IMPA2: variants seen among roughly 807,000 people sequenced by gnomAD.
The protein encoded by IMPA2 is IMP 2.
A neutral mutation model predicts 35.1 loss-of-function variants in IMPA2; 32 were observed. That is an observed-to-expected ratio of 0.91 (90% CI 0.69 to 1.23). The LOEUF (loss-of-function observed/expected upper bound fraction) is 1.23. Among genes scored for constraint, IMPA2 ranks in the 50% most tolerant of loss-of-function variants. The probability of loss-of-function intolerance (pLI) is 0.00; values close to 1 mark genes in which losing one functional copy is unlikely to be tolerated. For missense variants in IMPA2, 334 were observed against 387.6 expected, an observed-to-expected ratio of 0.86 and a Z score of 1.16; for synonymous variants, 135 against 160.6, an observed-to-expected ratio of 0.84 and a Z score of 1.20.
chr18:12,028,940 C>T lies in IMPA2; in HGVS notation c.698C>T (p.Ala233Val), dbSNP rs768045317. 7 of 1,613,914 alleles carry T rather than the reference C, an allele frequency of 4.3e-6. No individual in the cohort carries two copies. The highest frequency in any genetic ancestry group is 1.1e-5 in the South Asian group (1 of 91,066). Residue 233 changes from alanine (A) to valine (V), a missense_variant, in exon 7 of 8, where the codon GCG (alanine) becomes GTG (valine). Transcript: ENST00000269159. ...YQFGLHCWDLAAATVIIREAG... is the reference protein window; with the variant it reads ...YQFGLHCWDLVAATVIIREAG... ...TTTGGCCTGCACTGCTGGGATCTGG[C>T]GGCTGCCACAGTCATCATCAGAGAA...
At chr18:11,995,898 G>A (rs1484795212) in intron 1 of IMPA2, among the ~76,000 whole-genome samples, 1 of 152,238 alleles carries the variant, frequency 6.6e-6, no homozygotes, top group Non-Finnish European at 1.5e-5. Context: ...TGTACCTGCT[G>A]TATGTGTATC....
chr18:12,008,238 T>C (rs973352091), intron 2 of IMPA2: 26 of 467,020 alleles, frequency 5.6e-5, no homozygotes, highest in Non-Finnish European at 9.5e-5. Flanking sequence ...TCAGGTGATC[T>C]GCCCGCCTTG....
intron 1 of IMPA2, among the ~76,000 whole-genome samples, chr18:11,989,751 A>G (rs1906761317): frequency 6.6e-6 from 1 of 152,040 alleles, no homozygotes; most frequent in Non-Finnish European, 1.5e-5. Context: ...TAGATGGCTC[A>G]TCCCCACGGG....
chr18:11,991,397 T>G lies in IMPA2; in HGVS notation c.97-7657T>G, dbSNP rs1317303588. 6.6e-6 allele frequency among the ~76,000 whole-genome samples: 1 copy of G among 152,154 alleles called. No homozygotes were observed. The highest frequency in any genetic ancestry group is 1.5e-5 in the Non-Finnish European group (1 of 68,024). On this transcript the variant is annotated intron_variant, in intron 1 of 7. Coordinates refer to ENST00000269159, the MANE Select transcript of IMPA2 (RefSeq NM_014214.3). This position sits in a 1 kb window ranked among gnomAD's most constrained non-coding sequence, Gnocchi z 4.1. ...GTCTGCTTGGACCAGCTCCTCCTCT[T>G]CCTCCCAGGGTTGAGGTTGTACAGA...
At chr18:12,030,252 T>C in intron 7 of IMPA2, 91 bp from the exon 8 acceptor site, 2 of 908,298 alleles carry the variant, frequency 2.2e-6, no homozygotes, top group East Asian at 2.6e-5. Flanking sequence ...TGCCATTTCC[T>C]GTGCTGTGTG....
intron 3 of IMPA2, 28 bp from the exon 4 acceptor site, chr18:12,012,142 G>A (rs749234047): frequency 1.7e-5 from 28 of 1,612,940 alleles, no homozygotes; most frequent in Non-Finnish European, 2.4e-5. Context: ...TTGTTCCAGA[G>A]AGTAAACCTT....
chr18:12,016,124 A>G (rs1455240160), intron 5 of IMPA2, among the ~76,000 whole-genome samples: 1 of 152,252 alleles, frequency 6.6e-6, no homozygotes, highest in African/African-American at 2.4e-5. Context: ...GATAAAATGC[A>G]TAGCAGATAG....
intron 5 of IMPA2, among the ~76,000 whole-genome samples, chr18:12,023,727 G>A (rs1598705322): frequency 1.3e-5 from 2 of 152,140 alleles, no homozygotes; most frequent in Non-Finnish European, 2.9e-5. Context: ...TCTTCCCAGG[G>A]TCATTAACAC....
At chr18:12,014,177 G>T (rs188275489) in intron 4 of IMPA2, 88 bp from the exon 5 acceptor site, 3 of 893,654 alleles carry the variant, frequency 3.4e-6, no homozygotes, top group African/African-American at 3.3e-5. Flanking sequence ...AACGCCTAGC[G>T]CAGCCTTCAT....
chr18:12,007,628 C>CTTCCTTCTTTCT (rs1907296725), intron 2 of IMPA2, among the ~76,000 whole-genome samples: 6 of 116,674 alleles, frequency 5.1e-5, no homozygotes, highest in Admixed American at 3.8e-4. Context: ...CTTTTTCTTT[C>CTTCCTTCTTTCT]TTCTTTCTTT....
chr18:12,014,261 A>G lies in IMPA2; in HGVS notation c.382-4A>G, dbSNP rs1907513412. 1 of 1,610,860 alleles carries G rather than the reference A, an allele frequency of 6.2e-7. No homozygotes were observed. The highest frequency in any genetic ancestry group is 1.1e-5 in the South Asian group (1 of 90,982). On this transcript the variant is annotated splice_region_variant and splice_polypyrimidine_tract_variant and intron_variant, in intron 4 of 7. Transcript: ENST00000269159. ...GTTTTCTGTCCTGCCTCTGCCGCCCACAGCTTGAATTCGGAGTGATTTACC... is the reference window on the plus strand; with the variant it reads ...GTTTTCTGTCCTGCCTCTGCCGCCCGCAGCTTGAATTCGGAGTGATTTACC...
rs920424887 is a variant in IMPA2, at chr18:12,030,518, G to GGTGGCCCTC, written c.*68_*76dup. 7.1e-7 allele frequency: 1 copy of GGTGGCCCTC among 1,415,426 alleles called. No homozygotes were observed. Among genetic ancestry groups the GGTGGCCCTC allele is most frequent in the Non-Finnish European group, 1.0e-6 (1 of 1,002,410 alleles). The allele number at this position is 1,415,426 out of a possible 1,614,324, so 87.7% of individuals were successfully genotyped here. A position where few individuals can be genotyped will look rare whatever the true frequency, so the allele number is the denominator to read the frequency against. ...CTGGGCTGCTGTGGGCTCCTGGGGA[G>GGTGGCCCTC]GTGGCCCTCGTGGCCCACGCTCCAT... On this transcript the variant is annotated 3_prime_UTR_variant, in exon 8 of 8. Transcript: ENST00000269159.
chr18:12,007,579 TTTC>T (rs1907287223), intron 2 of IMPA2, among the ~76,000 whole-genome samples: 1 of 112,470 alleles, frequency 8.9e-6, no homozygotes, highest in Non-Finnish European at 1.8e-5. Context: ...CCTTCTTTTC[TTTC>T]TTTTCTTTTC....
chr18:11,994,329 T>C (rs1372465677), intron 1 of IMPA2: 2 of 152,188 alleles, frequency 1.3e-5, no homozygotes, highest in African/African-American at 4.8e-5. Context: ...TGAGCCAAGA[T>C]TGCGCTACTG....
intron 5 of IMPA2, among the ~76,000 whole-genome samples, chr18:12,014,767 G>GCC (rs1907532569): frequency 6.6e-6 from 1 of 152,146 alleles, no homozygotes; most frequent in Non-Finnish European, 1.5e-5. Flanking sequence ...GCAGTCTGTG[G>GCC]CCCCTGAGTG....
At chr18:12,013,134 G>C (rs146134291) in intron 4 of IMPA2, among the ~76,000 whole-genome samples, 24 of 152,328 alleles carry the variant, frequency 1.6e-4, no homozygotes, top group African/African-American at 4.8e-4. Context: ...TGGAACAGCT[G>C]GCTAGGTCCT....
Position 12,010,203 on chromosome 18 carries a change from T to G in IMPA2, c.335+216T>G. The G allele has an allele frequency of 2.1e-6, 1 of 479,830 alleles. No individual in the cohort carries two copies. The highest frequency in any genetic ancestry group is 3.7e-6 in the Non-Finnish European group (1 of 271,472). The allele number at this position is 479,830 out of a possible 1,614,324, so 29.7% of individuals were successfully genotyped here. On this transcript the variant is annotated intron_variant, in intron 3 of 7. Coordinates refer to ENST00000269159, the MANE Select transcript of IMPA2 (RefSeq NM_014214.3). The surrounding 1 kb of genome is among the most constrained non-coding windows in gnomAD (Gnocchi z 4.8). ...TTGGAGTATGTTAGGAAATCTGCAC[T>G]TGTTTAAAAACCAGTTTGTTATGTT...
chr18:11,993,057 T>C (rs543293259), intron 1 of IMPA2, among the ~76,000 whole-genome samples: 1 of 141,592 alleles, frequency 7.1e-6, no homozygotes, highest in South Asian at 2.4e-4. Context: ...TTAGATTTTC[T>C]CAGATACATG....
chr18:12,008,882 A>G (rs1443701195), intron 2 of IMPA2, among the ~76,000 whole-genome samples: 1 of 151,980 alleles, frequency 6.6e-6, no homozygotes, highest in African/African-American at 2.4e-5. Context: ...TTGCAGAGGG[A>G]CTCATTACAA....
Sources: allele counts gnomAD v4.1 joint callset (sites outside exome capture counted in the v4.1 genomes callset), GRCh38; gene constraint gnomAD v4.1.1; non-coding constraint Gnocchi (gnomAD v3.1); transcripts MANE v1.5; gene names NCBI Gene and HGNC (gene_info 2026-07-23, HGNC 2026-07-21).